SEC24D: variants seen among roughly 807,000 people sequenced by gnomAD.
SEC24D encodes SEC24 homolog D, COPII component.
SEC24D carries 69 observed loss-of-function variants against 116.9 expected under a neutral mutation model. That is an observed-to-expected ratio of 0.59 (90% CI 0.49 to 0.72). The LOEUF (loss-of-function observed/expected upper bound fraction) is 0.72. Among genes scored for constraint, SEC24D ranks in the 30% least tolerant of loss-of-function variants. The pLI is 0.00. For missense variants in SEC24D, 1,131 were observed against 1,264.1 expected (o/e 0.89, Z 1.60); for synonymous variants, 405 against 442.8 (o/e 0.91, Z 1.07).
chr4:118,789,457 C>G (rs1352746373), intron 8 of SEC24D, among the ~76,000 whole-genome samples: 1 of 152,230 alleles, frequency 6.6e-6, no homozygotes, highest in Non-Finnish European at 1.5e-5. Flanking sequence ...CTTGTTAACT[C>G]CATTAATCGG....
In SEC24D at chr4:118,751,997, T is replaced by A. The variant is rs922414000; in HGVS notation, c.1706A>T (p.Lys569Met). ...CAATTAGAAGTGGCTTCTTCTCACC[T>A]TTAGTGCTTCCATGCCAGCCTGGAT... ...PVIQAGMEAL[K>M]AADCPGKLFI... The change falls in exon 13 of 23, where the codon AAG (lysine) becomes ATG (methionine). Residue 569 changes from lysine (K) to methionine (M), a missense_variant and splice_region_variant. Physicochemically the swap from Lys to Met is moderately conservative, Grantham distance 95. Coordinates refer to ENST00000280551, the MANE Select transcript of SEC24D (RefSeq NM_014822.4). The A allele has an allele frequency of 6.9e-6, 11 of 1,604,572 alleles. No homozygotes were observed. The highest frequency in any genetic ancestry group is 9.4e-6 in the Non-Finnish European group (11 of 1,171,938).
At chr4:118,835,272 A>G (rs1341313161) in intron 1 of SEC24D, among the ~76,000 whole-genome samples, 10 of 152,208 alleles carry the variant, frequency 6.6e-5, no homozygotes, top group Admixed American at 6.5e-4. Context: ...ACTGGTCCTC[A>G]GAGGAATCAG....
chr4:118,763,185 T>C (rs1424433218), intron 10 of SEC24D, among the ~76,000 whole-genome samples: 1 of 152,194 alleles, frequency 6.6e-6, no homozygotes, highest in African/African-American at 2.4e-5. Flanking sequence ...AATAAAGCAT[T>C]TGTACCAAAA....
intron 3 of SEC24D, among the ~76,000 whole-genome samples, chr4:118,818,328 G>C (rs1190557340): frequency 1.3e-5 from 2 of 152,092 alleles, no homozygotes; most frequent in Non-Finnish European, 2.9e-5. Flanking sequence ...CTTGCCTTCT[G>C]CCCCCTACTG....
rs1421304628 is a variant in SEC24D, at chr4:118,815,292, T to C, written c.674-137A>G. ...AAAAAAGCAAGGAGTCAAGTATGAG[T>C]GTGGTTCCCCATTTCTTTGCTCTTG... is the stretch of plus-strand genomic sequence containing the variant. On this transcript the variant is annotated intron_variant, in intron 5 of 22. Transcript: ENST00000280551. 41 of 1,352,048 alleles carry C rather than the reference T, an allele frequency of 3.0e-5. 1 individual carries two copies. Among genetic ancestry groups the C allele is most frequent in the Middle Eastern group, 2.7e-4 (1 of 3,760 alleles). The allele number at this position is 1,352,048 out of a possible 1,614,324, so 83.8% of individuals were successfully genotyped here.
At chr4:118,744,795 T>G in intron 14 of SEC24D, 149 bp downstream of exon 14, 1 of 525,064 alleles carries the variant, frequency 1.9e-6, no homozygotes. Context: ...TTAAGTTGTC[T>G]GTAATCCAAA....
chr4:118,755,047 C>A lies in SEC24D; in HGVS notation c.1422-2159G>T, dbSNP rs768033982. Among the ~76,000 whole-genome samples the A allele has an allele frequency of 2.6e-5, 4 of 152,070 alleles. No homozygotes were observed. In the East Asian group the frequency reaches 7.7e-4, roughly 29 times the overall value. ...GGGATTCACAGGGTTCACTTAAGAT[C>A]TAAATTAACATTTTTTAAAAGCATC... On this transcript the variant is annotated intron_variant, in intron 11 of 22. Coordinates refer to ENST00000280551, the MANE Select transcript of SEC24D (RefSeq NM_014822.4).
chr4:118,814,440 T>C (rs1730051938), intron 6 of SEC24D, among the ~76,000 whole-genome samples: 1 of 152,188 alleles, frequency 6.6e-6, no homozygotes. Flanking sequence ...GTAAACTGAG[T>C]GATAAATACA....
intron 11 of SEC24D, among the ~76,000 whole-genome samples, chr4:118,753,677 T>A (rs1726944903): frequency 6.6e-6 from 1 of 152,088 alleles, no homozygotes; most frequent in South Asian, 2.1e-4. Flanking sequence ...CAGAATTTCA[T>A]GGTCTAAACT....
At chr4:118,748,330 A>T (rs1726650134) in intron 13 of SEC24D, among the ~76,000 whole-genome samples, 1 of 152,258 alleles carries the variant, frequency 6.6e-6, no homozygotes, top group Non-Finnish European at 1.5e-5. Flanking sequence ...CCCACTAGGA[A>T]AAAAGGTCTA....
intron 21 of SEC24D, chr4:118,729,129 T>C (rs1369016142): frequency 6.6e-6 from 1 of 152,656 alleles, no homozygotes; most frequent in Admixed American, 6.5e-5. Flanking sequence ...TTTTTTTTTT[T>C]TGATAGAGAG....
chr4:118,773,913 T>C (rs537025427), intron 8 of SEC24D, among the ~76,000 whole-genome samples: 135 of 152,324 alleles, frequency 8.9e-4, no homozygotes, highest in Non-Finnish European at 1.6e-3. Context: ...TACTATTCTA[T>C]TTAGAATTTT....
rs776390725 is a variant in SEC24D, at chr4:118,789,574, ATTAT to A, written c.1041+8105_1041+8108del. ...AACAAGAAAGATTTAAACAGCATGT[ATTAT>A]TTATTTATTTATTTTTATTTTTTTG... On this transcript the variant is annotated intron_variant, in intron 8 of 22. Transcript: ENST00000280551. Among the ~76,000 whole-genome samples the A allele has an allele frequency of 3.9e-5, 6 of 152,130 alleles. 1 individual carries two copies. The highest frequency in any genetic ancestry group is 7.4e-5 in the Non-Finnish European group (5 of 67,998).
At chr4:118,828,654 C>T (rs896156093) in intron 2 of SEC24D, among the ~76,000 whole-genome samples, 2 of 152,098 alleles carry the variant, frequency 1.3e-5, no homozygotes, top group African/African-American at 4.8e-5. Context: ...CCCCAAATGT[C>T]AATAGTGCTG....
At chr4:118,737,318 CA>C (rs1301094213) in intron 19 of SEC24D, among the ~76,000 whole-genome samples, 1 of 152,086 alleles carries the variant, frequency 6.6e-6, no homozygotes, top group Non-Finnish European at 1.5e-5. Flanking sequence ...TGATTATCAA[CA>C]GAAGAGATAA....
chr4:118,832,936 G>T (rs1218882272), intron 2 of SEC24D, among the ~76,000 whole-genome samples: 1 of 152,124 alleles, frequency 6.6e-6, no homozygotes, highest in African/African-American at 2.4e-5. Context: ...TTAAAATCTC[G>T]GGAAGAATAA....
chr4:118,733,521 T>C (rs1409495012), intron 19 of SEC24D, among the ~76,000 whole-genome samples: 1 of 152,218 alleles, frequency 6.6e-6, no homozygotes, highest in African/African-American at 2.4e-5. Context: ...AATGCCATTG[T>C]GTCATAGGTT....
At chr4:118,750,685 A>G (rs566720335) in intron 13 of SEC24D, among the ~76,000 whole-genome samples, 1 of 152,322 alleles carries the variant, frequency 6.6e-6, no homozygotes, top group South Asian at 2.1e-4. Flanking sequence ...CAACCCTTTC[A>G]AACTGAAATA....
At chr4:118,809,426 A>T (rs1214267663) in intron 6 of SEC24D, among the ~76,000 whole-genome samples, 1 of 152,256 alleles carries the variant, frequency 6.6e-6, no homozygotes, top group African/African-American at 2.4e-5. Context: ...ACTGGGGTAT[A>T]GCAGAAGCTC....
Sources: allele counts gnomAD v4.1 joint callset (sites outside exome capture counted in the v4.1 genomes callset), GRCh38; gene constraint gnomAD v4.1.1; transcripts MANE v1.5; gene names NCBI Gene and HGNC (gene_info 2026-07-23, HGNC 2026-07-21).